VAV1: variants seen among roughly 807,000 people sequenced by gnomAD.
The protein encoded by VAV1 is proto-oncogene vav.
A neutral mutation model predicts 128.1 loss-of-function variants in VAV1; 33 were observed. The ratio of observed to expected loss-of-function variants is 0.26; its 90% CI spans 0.20 to 0.34. VAV1 has a LOEUF of 0.34. Ranked by LOEUF, VAV1 falls within the 10% of genes least tolerant of loss-of-function variation. VAV1 has a pLI of 1.00. For missense variants in VAV1, 715 were observed against 1,093.7 expected, an observed-to-expected ratio of 0.65 and a Z score of 4.88; for synonymous variants, 394 against 409.8, an observed-to-expected ratio of 0.96 and a Z score of 0.47.
chr19:6,803,049 C>T (rs1971308465), intron 1 of VAV1, among the ~76,000 whole-genome samples: 1 of 152,096 alleles, frequency 6.6e-6, no homozygotes, highest in African/African-American at 2.4e-5. Context: ...TAGATGAATG[C>T]GATGTAGGGC....
At chr19:6,834,070 C>A in intron 19 of VAV1, 117 bp downstream of exon 19, 1 of 1,430,360 alleles carries the variant, frequency 7.0e-7, no homozygotes, top group Non-Finnish European at 9.7e-7. Context: ...GGTGCAATAG[C>A]TCACACCTGT....
intron 21 of VAV1, among the ~76,000 whole-genome samples, chr19:6,842,309 A>G (rs1360251848): frequency 7.9e-5 from 12 of 152,204 alleles, no homozygotes. Flanking sequence ...TATTTAGATG[A>G]GGGTTGGTAA....
intron 1 of VAV1, among the ~76,000 whole-genome samples, chr19:6,789,693 G>A (rs1226150325): frequency 6.6e-6 from 1 of 152,104 alleles, no homozygotes; most frequent in Non-Finnish European, 1.5e-5. Context: ...CGCATCATGG[G>A]TTCGAGTGAT....
chr19:6,778,637 A>C (rs369229287), intron 1 of VAV1, among the ~76,000 whole-genome samples: 75 of 152,276 alleles, frequency 4.9e-4, no homozygotes, highest in African/African-American at 1.4e-3. Context: ...CGAGAGGCTA[A>C]GTGGGGAGGA....
chr19:6,778,232 C>T (rs961420684), intron 1 of VAV1, among the ~76,000 whole-genome samples: 1 of 152,150 alleles, frequency 6.6e-6, no homozygotes, highest in African/African-American at 2.4e-5. Context: ...GCCACCACGC[C>T]CAGACACCAC....
intron 1 of VAV1, among the ~76,000 whole-genome samples, chr19:6,803,177 C>T (rs567168402): frequency 1.3e-5 from 2 of 152,260 alleles, no homozygotes; most frequent in African/African-American, 2.4e-5. Flanking sequence ...AAGTGCATAG[C>T]GGCAGTTGCA....
intron 1 of VAV1, among the ~76,000 whole-genome samples, chr19:6,778,175 G>T (rs1970686398): frequency 6.6e-6 from 1 of 152,064 alleles, no homozygotes; most frequent in African/African-American, 2.4e-5. Context: ...GACCTTAAGT[G>T]ACCCACATGC....
intron 1 of VAV1, among the ~76,000 whole-genome samples, chr19:6,812,326 G>C (rs1342190824): frequency 1.3e-5 from 2 of 152,158 alleles, no homozygotes; most frequent in Non-Finnish European, 2.9e-5. Context: ...GATGAGTGAA[G>C]ATTGGAAGCT....
intron 1 of VAV1, among the ~76,000 whole-genome samples, chr19:6,799,548 A>G (rs1424649796): frequency 2.0e-5 from 3 of 152,084 alleles, no homozygotes; most frequent in Non-Finnish European, 4.4e-5. Context: ...GGTTTGCTGC[A>G]TCCATCAACC....
intron 1 of VAV1, among the ~76,000 whole-genome samples, chr19:6,802,139 A>T (rs932790699): frequency 6.6e-6 from 1 of 151,932 alleles, no homozygotes; most frequent in Non-Finnish European, 1.5e-5. Context: ...GAATTGAACA[A>T]TGAGAACACA....
At chr19:6,827,755 C>T (rs1055322145) in intron 9 of VAV1, among the ~76,000 whole-genome samples, 8 of 103,320 alleles carry the variant, frequency 7.7e-5, no homozygotes, top group African/African-American at 1.2e-4. Context: ...TCTGCCACCA[C>T]GCCAGCTATT....
At chr19:6,817,520 T>C (rs1055726471) in intron 1 of VAV1, among the ~76,000 whole-genome samples, 1 of 152,044 alleles carries the variant, frequency 6.6e-6, no homozygotes, top group African/African-American at 2.4e-5. Flanking sequence ...CATAAGGTAC[T>C]ATCATAGTTG....
intron 19 of VAV1, among the ~76,000 whole-genome samples, chr19:6,835,385 T>C (rs1599669323): frequency 6.6e-6 from 1 of 152,220 alleles, no homozygotes; most frequent in Non-Finnish European, 1.5e-5. Flanking sequence ...CCTCCAGAAC[T>C]GCACTGTGTA....
intron 1 of VAV1, among the ~76,000 whole-genome samples, chr19:6,819,251 T>A (rs192216908): frequency 1.1e-4 from 16 of 152,326 alleles, no homozygotes; most frequent in Admixed American, 2.6e-4. Context: ...TAAGAAGTTA[T>A]GTTTCTGAAC....
chr19:6,779,938 C>G (rs962567978), intron 1 of VAV1, among the ~76,000 whole-genome samples: 5 of 149,018 alleles, frequency 3.4e-5, no homozygotes, highest in Non-Finnish European at 7.5e-5. Context: ...GGTGAAACCC[C>G]GTCTCTACTA....
chr19:6,799,189 A>G (rs1971207523), intron 1 of VAV1, among the ~76,000 whole-genome samples: 1 of 151,764 alleles, frequency 6.6e-6, no homozygotes, highest in African/African-American at 2.4e-5. Context: ...TTTTTTTGAG[A>G]TGGAGTCTCG....
Position 6,829,851 on chromosome 19 carries a change from A to G in VAV1, c.1331A>G (p.Lys444Arg), listed in dbSNP as rs749604125. Residue 444 changes from lysine to arginine, a missense_variant, in exon 14 of 27, where the codon AAG becomes AGG. Physicochemically the swap from Lys to Arg is conservative, Grantham distance 26. Coordinates refer to ENST00000602142, the MANE Select transcript of VAV1 (RefSeq NM_005428.4). ...CGCAGGGGAGACTCCTATGACCTCA[A>G]GGACTTTGTAAACCTGCACAGCTTC... The part of the protein sequence containing the change: ...CKRRGDSYDL[K>R]DFVNLHSFQV... 5 of 1,614,182 alleles carry G rather than the reference A, an allele frequency of 3.1e-6. No individual in the cohort carries two copies. The highest frequency in any genetic ancestry group is 4.2e-6 in the Non-Finnish European group (5 of 1,180,022).
chr19:6,804,874 C>G lies in VAV1; in HGVS notation c.205-15828C>G, dbSNP rs189261120. On this transcript the variant is annotated intron_variant, in intron 1 of 26. Coordinates refer to ENST00000602142, the MANE Select transcript of VAV1 (RefSeq NM_005428.4). ...AAGTAGCTGGGACTACAGGCGCCCG[C>G]CACCATGCCCGGCTAATTTTTTGTA... is the stretch of plus-strand genomic sequence containing the variant. 3.3e-5 allele frequency among the ~76,000 whole-genome samples: 5 copies of G among 151,988 alleles called. No homozygotes were observed. In the South Asian group the frequency reaches 6.2e-4, roughly 19 times the overall value.
intron 24 of VAV1, among the ~76,000 whole-genome samples, chr19:6,851,089 G>A (rs191652198): frequency 2.6e-5 from 4 of 151,384 alleles, no homozygotes; most frequent in East Asian, 1.9e-4. Flanking sequence ...TTTTACTTAC[G>A]TATATATACA....
Sources: allele counts gnomAD v4.1 joint callset (sites outside exome capture counted in the v4.1 genomes callset), GRCh38; gene constraint gnomAD v4.1.1; transcripts MANE v1.5; gene names NCBI Gene and HGNC (gene_info 2026-07-23, HGNC 2026-07-21).